TACR1: variants seen among roughly 807,000 people sequenced by gnomAD.
The protein encoded by TACR1 is substance-P receptor.
A neutral mutation model predicts 35.8 loss-of-function variants in TACR1; 25 were observed. The ratio of observed to expected loss-of-function variants is 0.70; its 90% confidence interval spans 0.51 to 0.98. The LOEUF is 0.98. TACR1 is among the 50% of genes least tolerant of loss of function. The probability of loss-of-function intolerance (pLI) is 0.00; values close to 1 mark genes in which losing one functional copy is unlikely to be tolerated. For synonymous variants in TACR1, 195 were observed against 206.7 expected, an observed-to-expected ratio of 0.94 and a Z score of 0.48; for missense variants, 478 against 522.9, an observed-to-expected ratio of 0.91 and a Z score of 0.84.
chr2:75,167,091 C>T (rs1350797565), intron 1 of TACR1, among the ~76,000 whole-genome samples: 1 of 152,100 alleles, frequency 6.6e-6, no homozygotes, highest in African/African-American at 2.4e-5. Context: ...AGATAAACGA[C>T]AGGAACAATG....
intron 1 of TACR1, among the ~76,000 whole-genome samples, chr2:75,190,184 T>C (rs1164694877): frequency 1.3e-5 from 2 of 152,228 alleles, no homozygotes; most frequent in Non-Finnish European, 2.9e-5. Flanking sequence ...TAAGAGCTTT[T>C]TGCAATGAAC....
At chr2:75,163,617 C>T (rs1014796721) in intron 1 of TACR1, among the ~76,000 whole-genome samples, 1 of 152,092 alleles carries the variant, frequency 6.6e-6, no homozygotes, top group Non-Finnish European at 1.5e-5. Flanking sequence ...AACTTCTTCC[C>T]TAATGACTTA....
chr2:75,194,616 A>G (rs1467332516), intron 1 of TACR1, among the ~76,000 whole-genome samples: 1 of 152,076 alleles, frequency 6.6e-6, no homozygotes, highest in Non-Finnish European at 1.5e-5. Context: ...AGTTTTTGTG[A>G]TTTATTCATG....
chr2:75,141,376 G>A (rs771903583), intron 1 of TACR1, among the ~76,000 whole-genome samples: 17 of 152,062 alleles, frequency 1.1e-4, no homozygotes, highest in Admixed American at 3.3e-4. Flanking sequence ...TAATGAAACC[G>A]CTTTACAACA....
At chr2:75,147,288 A>G (rs1674533455) in intron 1 of TACR1, among the ~76,000 whole-genome samples, 1 of 152,238 alleles carries the variant, frequency 6.6e-6, no homozygotes, top group Non-Finnish European at 1.5e-5. Context: ...GTGTGGCCAT[A>G]GGGCTGATAT....
At chr2:75,059,814 T>C (rs1465294482) in intron 2 of TACR1, among the ~76,000 whole-genome samples, 6 of 152,234 alleles carry the variant, frequency 3.9e-5, no homozygotes, top group Admixed American at 3.9e-4. Context: ...GCAGCCTCGT[T>C]CCTCCTGCTC....
In TACR1 at chr2:75,142,104, A is replaced by G. The variant is rs1006042633; in HGVS notation, c.390-21336T>C. 2.6e-5 allele frequency among the ~76,000 whole-genome samples: 4 copies of G among 152,208 alleles called. No homozygotes were observed. In the East Asian group the frequency reaches 7.7e-4, roughly 29 times the overall value. ...TTCAGGGTAGTTAATGCCTTGCCTA[A>G]AGTAAACCAACTGGAGGGGAGGCAG... is the stretch of plus-strand genomic sequence containing the variant. On this transcript the variant is annotated intron_variant, in intron 1 of 4. Transcript: ENST00000305249.
chr2:75,141,021 C>T lies in TACR1; in HGVS notation c.390-20253G>A, dbSNP rs367911060. 5.9e-5 allele frequency among the ~76,000 whole-genome samples: 9 copies of T among 152,250 alleles called. No individual in the cohort carries two copies. The East Asian group carries it at 7.7e-4, about 13-fold the overall frequency. On this transcript the variant is annotated intron_variant, in intron 1 of 4. Coordinates refer to ENST00000305249, the MANE Select transcript of TACR1 (RefSeq NM_001058.4). Reference sequence around the variant, plus strand: ...TTCTCATTAACATGGTTACAAAACTCTCTCTTTTATAAACTTCCATAAAAG... The same window carrying T: ...TTCTCATTAACATGGTTACAAAACTTTCTCTTTTATAAACTTCCATAAAAG...
At chr2:75,141,220 C>A (rs1034602184) in intron 1 of TACR1, among the ~76,000 whole-genome samples, 1 of 152,164 alleles carries the variant, frequency 6.6e-6, no homozygotes, top group African/African-American at 2.4e-5. Flanking sequence ...CTCCAGTTTG[C>A]AAATCCACAT....
intron 1 of TACR1, among the ~76,000 whole-genome samples, chr2:75,174,340 T>C (rs1204829610): frequency 6.6e-6 from 1 of 152,188 alleles, no homozygotes; most frequent in Non-Finnish European, 1.5e-5. Context: ...CCATGGATGG[T>C]ACTGAACCCT....
Position 75,155,911 on chromosome 2 carries a change from C to T in TACR1, c.390-35143G>A, listed in dbSNP as rs191620131. 3.2e-3 allele frequency among the ~76,000 whole-genome samples: 484 copies of T among 152,226 alleles called. 2 individuals carry two copies. Among genetic ancestry groups the T allele is most frequent in the African/African-American group, 0.011 (464 of 41,530 alleles). On this transcript the variant is annotated intron_variant, in intron 1 of 4. Coordinates refer to ENST00000305249, the MANE Select transcript of TACR1 (RefSeq NM_001058.4). ...TTATGGCCCATAGGCCAAAGCTGGC[C>T]TGCTGCCTATTTTTTTATATGGCTT...
intron 1 of TACR1, among the ~76,000 whole-genome samples, chr2:75,168,143 T>A (rs1675189646): frequency 6.6e-6 from 1 of 152,236 alleles, no homozygotes; most frequent in Non-Finnish European, 1.5e-5. Context: ...GAATACTTGT[T>A]GTTTATTATT....
chr2:75,146,702 C>G (rs551456160), intron 1 of TACR1, among the ~76,000 whole-genome samples: 23 of 152,274 alleles, frequency 1.5e-4, no homozygotes, highest in African/African-American at 5.3e-4. Flanking sequence ...AGTCACCAAA[C>G]CCTAATGAGT....
At chr2:75,175,500 C>T (rs553729635) in intron 1 of TACR1, among the ~76,000 whole-genome samples, 1 of 152,280 alleles carries the variant, frequency 6.6e-6, no homozygotes, top group African/African-American at 2.4e-5. Flanking sequence ...TGCAGAGACT[C>T]TAGGAGAATA....
At chr2:75,067,690 C>T (rs892674692) in intron 2 of TACR1, among the ~76,000 whole-genome samples, 5 of 152,128 alleles carry the variant, frequency 3.3e-5, no homozygotes, top group African/African-American at 1.2e-4. Context: ...TTCAAAGCAG[C>T]GACGTGAAGG....
At chr2:75,055,783 AGGG>A (rs757464890) in intron 2 of TACR1, among the ~76,000 whole-genome samples, 4 of 152,120 alleles carry the variant, frequency 2.6e-5, no homozygotes, top group Non-Finnish European at 4.4e-5. Flanking sequence ...TATCACCTGG[AGGG>A]CTTCGACAAC....
chr2:75,119,675 AGTAT>A (rs1296108648), intron 2 of TACR1, among the ~76,000 whole-genome samples: 7 of 152,228 alleles, frequency 4.6e-5, no homozygotes, highest in African/African-American at 1.4e-4. Flanking sequence ...CTAGAAGATA[AGTAT>A]GTCTGCCCTG....
intron 2 of TACR1, among the ~76,000 whole-genome samples, chr2:75,083,177 T>C (rs540097045): frequency 3.3e-5 from 5 of 152,384 alleles, no homozygotes; most frequent in Admixed American, 6.5e-5. Context: ...ATTTGTTAAA[T>C]AGGGAATCCT....
At chr2:75,067,394 G>A (rs1223412057) in intron 2 of TACR1, among the ~76,000 whole-genome samples, 1 of 152,152 alleles carries the variant, frequency 6.6e-6, no homozygotes, top group Non-Finnish European at 1.5e-5. Context: ...AGGCTGCATA[G>A]TTGCTGCTAG....
Sources: allele counts gnomAD v4.1 joint callset (sites outside exome capture counted in the v4.1 genomes callset), GRCh38; gene constraint gnomAD v4.1.1; transcripts MANE v1.5; gene names NCBI Gene and HGNC (gene_info 2026-07-23, HGNC 2026-07-21).